CCDC25: variants seen among roughly 807,000 people sequenced by gnomAD.
CCDC25 encodes the protein coiled-coil domain-containing protein 25.
A neutral mutation model predicts 35.3 loss-of-function variants in CCDC25; 16 were observed. The ratio of observed to expected loss-of-function variants is 0.45; its 90% confidence interval spans 0.31 to 0.69. The LOEUF (loss-of-function observed/expected upper bound fraction) is 0.69, where lower values mean the gene tolerates loss of function less well. Among genes scored for constraint, CCDC25 ranks in the 30% least tolerant of loss-of-function variants. The pLI, the probability that CCDC25 is intolerant of heterozygous loss-of-function variation, is 0.06. For missense variants in CCDC25, 179 were observed against 250.7 expected, an observed-to-expected ratio of 0.71 and a Z score of 1.93; for synonymous variants, 79 against 80.3, an observed-to-expected ratio of 0.98 and a Z score of 0.09.
intron 8 of CCDC25, among the ~76,000 whole-genome samples, chr8:27,739,630 G>T (rs566019509): frequency 6.6e-6 from 1 of 152,280 alleles, no homozygotes; most frequent in South Asian, 2.1e-4. Context: ...GGAAGGATGT[G>T]CATATGTTAT....
In CCDC25 at chr8:27,759,636, C is replaced by CTGGTGTGG. The variant is rs377438667; in HGVS notation, c.116+2775_116+2782dup. On this transcript the variant is annotated intron_variant, in intron 3 of 8. Transcript: ENST00000356537. ...AAAAAAAAAAAAAAAAAAAATTAGC[C>CTGGTGTGG]TGGTGTGGTGGTACATGCCTGTAAT... Among the ~76,000 whole-genome samples, 483 of 145,806 alleles carry CTGGTGTGG rather than the reference C, an allele frequency of 3.3e-3. 3 individuals are homozygous for CTGGTGTGG. Among genetic ancestry groups the CTGGTGTGG allele is most frequent in the African/African-American group, 0.012 (470 of 39,222 alleles).
At position 27,748,191 on chromosome 8, in the gene CCDC25, G is replaced by C. The variant is rs1016075614; in HGVS notation, c.437C>G (p.Ala146Gly). The C allele has an allele frequency of 1.2e-6, 2 of 1,613,412 alleles. No individual in the cohort carries two copies. The highest frequency in any genetic ancestry group is 1.3e-5 in the African/African-American group (1 of 74,746). Residue 146 changes from alanine (A) to glycine (G), a missense_variant, in exon 7 of 9, where the codon GCA becomes GGA. By Grantham distance (60) the Ala-to-Gly change is moderately conservative. Transcript: ENST00000356537. The stretch of plus-strand genomic sequence containing the variant: ...TTCACGATCTCTGCATTCTTTCTCT[G>C]CTGCTAGGTCTGGGAACCGCTCGAC... ...TKVERFPDLA[A>G]EKECRDREER...
At chr8:27,771,188 T>C (rs72609972) in intron 1 of CCDC25, among the ~76,000 whole-genome samples, 19,707 of 152,172 alleles carry the variant, frequency 0.13, 1,516 homozygotes, top group East Asian at 0.33. Context: ...TGCGTTACCA[T>C]TGCCTACAGC....
At chr8:27,756,532 T>A in intron 4 of CCDC25, 187 bp downstream of exon 4, 1 of 574,222 alleles carries the variant, frequency 1.7e-6, no homozygotes, top group South Asian at 2.1e-5. Flanking sequence ...CCTCCTTCTA[T>A]ATCTCAAAAA....
chr8:27,766,762 TAGAG>T (rs1804414530), intron 1 of CCDC25, among the ~76,000 whole-genome samples: 1 of 152,122 alleles, frequency 6.6e-6, no homozygotes. Flanking sequence ...CATCCCTTAA[TAGAG>T]ACTCTTTAAA....
intron 2 of CCDC25, chr8:27,764,480 T>C (rs950072267): frequency 2.6e-6 from 1 of 384,486 alleles, no homozygotes; most frequent in Admixed American, 3.0e-5. Flanking sequence ...GGTCTCCCTA[T>C]GTTGCTCAGG....
rs190720061 is a variant in CCDC25 at position 27,739,213 on chromosome 8, C to T, written c.597+1259G>A. Among the ~76,000 whole-genome samples the T allele has an allele frequency of 2.0e-5, 3 of 152,232 alleles. No individual in the cohort carries two copies. The East Asian group carries it at 5.8e-4, about 29-fold the overall frequency. On this transcript the variant is annotated intron_variant, in intron 8 of 8. Transcript: ENST00000356537. ...CAAAGCTCTATTTAATTTAATAATGCTATTCTGGAATTTTTCAGGAATAAA... is the reference window on the plus strand; with the variant it reads ...CAAAGCTCTATTTAATTTAATAATGTTATTCTGGAATTTTTCAGGAATAAA...
intron 4 of CCDC25, among the ~76,000 whole-genome samples, chr8:27,754,839 G>A (rs956934343): frequency 1.3e-5 from 2 of 152,180 alleles, no homozygotes; most frequent in Non-Finnish European, 2.9e-5. Flanking sequence ...ATGACAATCA[G>A]AGCCATCCCC....
intron 7 of CCDC25, among the ~76,000 whole-genome samples, chr8:27,744,172 C>A (rs752772660): frequency 6.6e-6 from 1 of 152,086 alleles, no homozygotes; most frequent in African/African-American, 2.4e-5. Context: ...GATACTAACA[C>A]CCTAAATTTT....
intron 7 of CCDC25, among the ~76,000 whole-genome samples, chr8:27,741,681 C>T (rs973590712): frequency 1.3e-5 from 2 of 152,016 alleles, no homozygotes; most frequent in African/African-American, 2.4e-5. Flanking sequence ...CCATCTCAAA[C>T]GACAACAACA....
intron 5 of CCDC25, among the ~76,000 whole-genome samples, chr8:27,751,843 C>T (rs991719422): frequency 1.3e-5 from 2 of 152,142 alleles, no homozygotes; most frequent in African/African-American, 2.4e-5. Context: ...TGACCAAGCA[C>T]GGTATGCCAG....
intron 1 of CCDC25, among the ~76,000 whole-genome samples, chr8:27,770,037 G>T (rs1468093844): frequency 6.6e-6 from 1 of 152,040 alleles, no homozygotes; most frequent in Middle Eastern, 3.2e-3. Flanking sequence ...CCAGCTACTT[G>T]GGAGACTGAG....
intron 3 of CCDC25, among the ~76,000 whole-genome samples, 185 bp downstream of exon 3, chr8:27,762,234 G>A (rs1043289727): frequency 6.6e-6 from 1 of 152,172 alleles, no homozygotes. Context: ...TCAAGCCTGA[G>A]ATCAAACCCA....
rs1186023235 is a variant in CCDC25, at chr8:27,734,784, T to C, written c.*1432A>G. On this transcript the variant is annotated 3_prime_UTR_variant, in exon 9 of 9. Coordinates refer to ENST00000356537, the MANE Select transcript of CCDC25 (RefSeq NM_018246.3). ...AGGAATTCTGTAGAAGCCGGACTCC[T>C]TGGAAGTATGGAAGGAGCACAGCTA... is the stretch of plus-strand genomic sequence containing the variant. The C allele has an allele frequency of 6.6e-6, 1 of 152,200 alleles. No individual in the cohort carries two copies. Among genetic ancestry groups the C allele is most frequent in the Non-Finnish European group, 1.5e-5 (1 of 68,044 alleles). The allele number at this position is 152,200 out of a possible 1,614,324, so 9.4% of individuals were successfully genotyped here. A position where few individuals can be genotyped will look rare whatever the true frequency, so the allele number is the denominator to read the frequency against.
chr8:27,758,691 T>G (rs1249892002), intron 3 of CCDC25, among the ~76,000 whole-genome samples: 1 of 152,214 alleles, frequency 6.6e-6, no homozygotes, highest in Non-Finnish European at 1.5e-5. Context: ...CAACTTTTAT[T>G]TGCCTTAAGC....
At chr8:27,756,471 A>C in intron 4 of CCDC25, 1 of 425,144 alleles carries the variant, frequency 2.4e-6, no homozygotes, top group Non-Finnish European at 4.3e-6. Flanking sequence ...CAGACAGCAC[A>C]CCGGAAGTGA....
intron 1 of CCDC25, 123 bp downstream of exon 1, chr8:27,772,390 G>C: frequency 1.1e-6 from 1 of 922,664 alleles, no homozygotes; most frequent in Non-Finnish European, 1.7e-6. Flanking sequence ...GAGAGGCCGC[G>C]GGAAGAGGCA....
chr8:27,754,380 G>A (rs1803922207), intron 4 of CCDC25: 1 of 152,224 alleles, frequency 6.6e-6, no homozygotes, highest in African/African-American at 2.4e-5. Context: ...GGGATGTCAA[G>A]ATGGAATGTG....
chr8:27,765,144 G>A, intron 2 of CCDC25, 60 bp downstream of exon 2: 2 of 1,428,486 alleles, frequency 1.4e-6, no homozygotes, highest in Non-Finnish European at 9.4e-7. Context: ...GGAAGGTGGT[G>A]AGTGAGAGAT....
Sources: allele counts gnomAD v4.1 joint callset (sites outside exome capture counted in the v4.1 genomes callset), GRCh38; gene constraint gnomAD v4.1.1; transcripts MANE v1.5; gene names NCBI Gene and HGNC (gene_info 2026-07-23, HGNC 2026-07-21).